Variants in PCP4 observed in about 807,000 individuals in gnomAD.
PCP4 encodes calmodulin regulator protein PCP4.
Under a neutral mutation model 10.0 loss-of-function variants are expected in PCP4, and 8 were observed. The ratio of observed to expected loss-of-function variants is 0.80; its 90% CI spans 0.47 to 1.45. The LOEUF is 1.45. Ranked by LOEUF, PCP4 falls within the 40% of genes most tolerant of loss-of-function variation. The pLI is 0.00. For missense variants in PCP4, 54 were observed against 74.4 expected, an observed-to-expected ratio of 0.73 and a Z score of 1.01; for synonymous variants, 21 against 23.0, an observed-to-expected ratio of 0.91 and a Z score of 0.24.
chr21:39,923,519 G>A (rs2087606673), intron 2 of PCP4, among the ~76,000 whole-genome samples: 1 of 152,188 alleles, frequency 6.6e-6, no homozygotes, highest in Non-Finnish European at 1.5e-5. Context: ...TTTTATTTGA[G>A]GACTGGAGTA....
intron 1 of PCP4, among the ~76,000 whole-genome samples, chr21:39,894,120 C>T (rs181456063): frequency 6.6e-6 from 1 of 152,248 alleles, no homozygotes; most frequent in African/African-American, 2.4e-5. Context: ...AGAATGAGAA[C>T]ATCTGAGCTG....
In PCP4 at chr21:39,881,016, A is replaced by AT. The variant is rs200531997; in HGVS notation, c.9+13515dup. 1.1e-4 allele frequency among the ~76,000 whole-genome samples: 17 copies of AT among 151,496 alleles called. No individual in the cohort carries two copies. In the East Asian group the frequency reaches 1.7e-3, roughly 16 times the overall value. On this transcript the variant is annotated intron_variant, in intron 1 of 2. Coordinates refer to ENST00000328619, the MANE Select transcript of PCP4 (RefSeq NM_006198.3). ...GTATTGGTGGTCGTGTGTGCATTTTATTTTTTTTTGTGGGAGAGTAGAATT... is the reference window on the plus strand; with the variant it reads ...GTATTGGTGGTCGTGTGTGCATTTTATTTTTTTTTTGTGGGAGAGTAGAATT...
chr21:39,892,159 G>A (rs553447357), intron 1 of PCP4, among the ~76,000 whole-genome samples: 5 of 152,322 alleles, frequency 3.3e-5, no homozygotes, highest in Admixed American at 6.5e-5. Flanking sequence ...CTATGCGGGC[G>A]TGACAGAGGG....
intron 2 of PCP4, among the ~76,000 whole-genome samples, chr21:39,914,668 A>G (rs1208571878): frequency 1.3e-5 from 2 of 151,928 alleles, no homozygotes; most frequent in African/African-American, 2.4e-5. Flanking sequence ...GGTTCAAGTG[A>G]GGTTCTTATA....
chr21:39,893,758 A>G (rs1041774300), intron 1 of PCP4, among the ~76,000 whole-genome samples: 2 of 152,242 alleles, frequency 1.3e-5, no homozygotes, highest in Non-Finnish European at 2.9e-5. Flanking sequence ...TGGTGTTACT[A>G]TTTGTGATTG....
At position 39,928,986 on chromosome 21, in the gene PCP4, G is replaced by A. The variant is rs1477056451; in HGVS notation, c.64G>A (p.Gly22Arg). The change falls in exon 3 of 3, where the codon GGA becomes AGA. Residue 22 changes from glycine to arginine, a missense_variant and splice_region_variant. Coordinates refer to ENST00000328619, the MANE Select transcript of PCP4 (RefSeq NM_006198.3). ...TGTTTGTGTTTGTCTTGCTACAGATGGACAGAAGAAAGTTCAAGAAGAATT... is the reference window on the plus strand; with the variant it reads ...TGTTTGTGTTTGTCTTGCTACAGATAGACAGAAGAAAGTTCAAGAAGAATT... The part of the protein sequence containing the change: ...GKDKTSGEND[G>R]QKKVQEEFDI... The A allele has an allele frequency of 6.2e-7, 1 of 1,612,170 alleles. No individual in the cohort carries two copies. Among genetic ancestry groups the A allele is most frequent in the African/African-American group, 1.3e-5 (1 of 74,692 alleles).
intron 1 of PCP4, among the ~76,000 whole-genome samples, chr21:39,871,034 T>G (rs139448722): frequency 2.0e-5 from 3 of 152,224 alleles, no homozygotes; most frequent in Non-Finnish European, 4.4e-5. Flanking sequence ...ACAGAATCCA[T>G]GTCGAACTTA....
chr21:39,867,983 A>C (rs1415301701), intron 1 of PCP4, among the ~76,000 whole-genome samples: 2 of 152,218 alleles, frequency 1.3e-5, no homozygotes, highest in Non-Finnish European at 2.9e-5. Context: ...CTACCTCTGC[A>C]GTTAATCAGA....
intron 1 of PCP4, among the ~76,000 whole-genome samples, chr21:39,890,065 G>A (rs2087422322): frequency 6.6e-6 from 1 of 152,172 alleles, no homozygotes; most frequent in Admixed American, 6.5e-5. Flanking sequence ...ACAACAAAGG[G>A]TGGAAGCGAG....
At chr21:39,907,724 G>A (rs756948977) in intron 2 of PCP4, among the ~76,000 whole-genome samples, 3 of 152,086 alleles carry the variant, frequency 2.0e-5, no homozygotes, top group Non-Finnish European at 4.4e-5. Flanking sequence ...TTGAACCCAG[G>A]AGGCGGAGAT....
chr21:39,891,170 A>T (rs1374203171), intron 1 of PCP4, among the ~76,000 whole-genome samples: 2 of 152,150 alleles, frequency 1.3e-5, no homozygotes, highest in African/African-American at 2.4e-5. Flanking sequence ...TGATTTTGCA[A>T]CTTAGTGAAA....
intron 1 of PCP4, among the ~76,000 whole-genome samples, chr21:39,873,893 A>G (rs1788306559): frequency 6.6e-6 from 1 of 152,208 alleles, no homozygotes; most frequent in Non-Finnish European, 1.5e-5. Flanking sequence ...TATGCCTCAC[A>G]AAGAGCTCTG....
rs1260536063 is a variant in PCP4 at position 39,901,476 on chromosome 21, T to C, written c.61+2949T>C. On this transcript the variant is annotated intron_variant, in intron 2 of 2. Coordinates refer to ENST00000328619, the MANE Select transcript of PCP4 (RefSeq NM_006198.3). ...ATCCTATTGGTCTTTCAAACCATGC[T>C]GACATGCTCAGTGCTTTGCACCAAA... Among the ~76,000 whole-genome samples, 3 of 152,346 alleles carry C rather than the reference T, an allele frequency of 2.0e-5. No individual in the cohort carries two copies. The East Asian group carries it at 5.8e-4, about 29-fold the overall frequency.
chr21:39,926,931 AC>A (rs2087624545), intron 2 of PCP4, among the ~76,000 whole-genome samples: 1 of 152,074 alleles, frequency 6.6e-6, no homozygotes, highest in South Asian at 2.1e-4. Context: ...AAAAGGAAGC[AC>A]CCCCATCCCC....
intron 1 of PCP4, among the ~76,000 whole-genome samples, chr21:39,888,313 G>C (rs939341541): frequency 6.6e-6 from 1 of 152,172 alleles, no homozygotes; most frequent in African/African-American, 2.4e-5. Context: ...TGGGAACGGG[G>C]GGCAAAATTT....
At chr21:39,877,646 A>G (rs531979413) in intron 1 of PCP4, among the ~76,000 whole-genome samples, 1 of 152,102 alleles carries the variant, frequency 6.6e-6, no homozygotes, top group African/African-American at 2.4e-5. Flanking sequence ...GCAGTGAGCC[A>G]TGATCATGCC....
chr21:39,883,083 A>G (rs958424447), intron 1 of PCP4, among the ~76,000 whole-genome samples: 1 of 151,726 alleles, frequency 6.6e-6, no homozygotes, highest in Non-Finnish European at 1.5e-5. Context: ...TAAGGATTCA[A>G]CACCAATTCA....
At chr21:39,867,597 T>A in intron 1 of PCP4, 87 bp downstream of exon 1, 1 of 1,213,258 alleles carries the variant, frequency 8.2e-7, no homozygotes, top group East Asian at 2.3e-5. Context: ...TGTGAGGGAC[T>A]TAGCAGTGCT....
intron 2 of PCP4, among the ~76,000 whole-genome samples, chr21:39,898,935 G>A (rs527871913): frequency 1.3e-5 from 2 of 152,288 alleles, no homozygotes; most frequent in Admixed American, 1.3e-4. Context: ...TCAGCCCTCC[G>A]GAGCACACAC....
Sources: gnomAD v4.1 joint callset for allele counts (sites outside exome capture counted in the v4.1 genomes callset) on GRCh38, gnomAD v4.1.1 for gene constraint, MANE v1.5 for transcripts, NCBI Gene and HGNC (gene_info 2026-07-23, HGNC 2026-07-21) for gene names.